CSMD1: variants seen among roughly 807,000 people sequenced by gnomAD.
The protein encoded by CSMD1 is CUB and Sushi multiple domains 1.
Under a neutral mutation model 417.5 loss-of-function variants are expected in CSMD1, and 213 were observed. That is an observed-to-expected ratio of 0.51 (90% CI 0.46 to 0.57). CSMD1 has a LOEUF of 0.57. Among genes scored for constraint, CSMD1 ranks in the 20% least tolerant of loss-of-function variants. The pLI is 0.00. For missense variants in CSMD1, 6,923 were observed against 4,529.7 expected (o/e 1.53, Z -15.17); for synonymous variants, 2,862 against 1,736.8 (o/e 1.65, Z -16.11).
rs755327257 is a variant in CSMD1 at position 3,949,965 on chromosome 8, G to A, written c.818+47938C>T. 4.4e-4 allele frequency: 201 copies of A among 455,932 alleles called. 2 individuals are homozygous for A. The highest frequency in any genetic ancestry group is 2.1e-3 in the South Asian group (133 of 64,552). The allele number at this position is 455,932 out of a possible 1,614,324, so 28.2% of individuals were successfully genotyped here. On this transcript the variant is annotated intron_variant, in intron 5 of 69. Coordinates refer to ENST00000635120, the MANE Select transcript of CSMD1 (RefSeq NM_033225.6). ...ATGGAGAGGTTCATGCCAGCAGAGC[G>A]ACGTGTCTCCAGGCTTGCATGAAAT...
intron 46 of CSMD1, among the ~76,000 whole-genome samples, chr8:3,106,317 A>C (rs10102808): frequency 0.032 from 4,885 of 152,060 alleles, 255 homozygotes; most frequent in African/African-American, 0.11. Context: ...GGATCACCTG[A>C]GACCAGGGAG....
intron 2 of CSMD1, among the ~76,000 whole-genome samples, chr8:4,636,964 G>C (rs958223003): frequency 1.3e-5 from 2 of 152,108 alleles, no homozygotes; most frequent in African/African-American, 4.8e-5. Flanking sequence ...ACACCAATCA[G>C]CAGGATCGTA....
chr8:3,258,376 A>C (rs1236793348), intron 26 of CSMD1, among the ~76,000 whole-genome samples: 3 of 152,208 alleles, frequency 2.0e-5, no homozygotes, highest in Non-Finnish European at 2.9e-5. Flanking sequence ...AGAAATGCAA[A>C]TTAAAACCAA....
At chr8:3,378,132 C>G (rs796173402) in intron 18 of CSMD1, among the ~76,000 whole-genome samples, 47 of 152,268 alleles carry the variant, frequency 3.1e-4, no homozygotes, top group Middle Eastern at 3.4e-3. Context: ...GGAAGACATT[C>G]AATTAATAAG....
chr8:4,004,589 G>A (rs994321917), intron 4 of CSMD1, among the ~76,000 whole-genome samples: 1 of 151,280 alleles, frequency 6.6e-6, no homozygotes, highest in Admixed American at 6.6e-5. Flanking sequence ...TATTTATTTG[G>A]GATTTTCCTT....
intron 2 of CSMD1, among the ~76,000 whole-genome samples, chr8:4,480,531 T>C (rs745877465): frequency 8.5e-5 from 13 of 152,198 alleles, no homozygotes; most frequent in African/African-American, 9.6e-5. Context: ...TTCTCCGCCT[T>C]TTTGCACCAT....
chr8:3,655,856 G>C (rs1252104077), intron 7 of CSMD1, among the ~76,000 whole-genome samples: 4 of 152,096 alleles, frequency 2.6e-5, no homozygotes, highest in African/African-American at 2.4e-5. Context: ...CGGAAAACCT[G>C]TCAGACTTCA....
At chr8:3,506,385 G>T (rs534665126) in intron 10 of CSMD1, among the ~76,000 whole-genome samples, 1 of 152,282 alleles carries the variant, frequency 6.6e-6, no homozygotes, top group African/African-American at 2.4e-5. Context: ...AGGTAGGGGA[G>T]TAAACACGTT....
intron 37 of CSMD1, among the ~76,000 whole-genome samples, chr8:3,173,328 G>A (rs1273312408): frequency 6.6e-6 from 1 of 152,196 alleles, no homozygotes; most frequent in Non-Finnish European, 1.5e-5. Flanking sequence ...TCTCTGTGAT[G>A]TAAGACAGAA....
intron 54 of CSMD1, among the ~76,000 whole-genome samples, chr8:2,988,225 T>C (rs942708758): frequency 3.3e-5 from 5 of 152,144 alleles, no homozygotes; most frequent in Non-Finnish European, 5.9e-5. Flanking sequence ...TCCTTTTTGA[T>C]TCCTCTACCC....
intron 3 of CSMD1, among the ~76,000 whole-genome samples, chr8:4,150,971 G>A (rs972540618): frequency 6.6e-6 from 1 of 152,124 alleles, no homozygotes; most frequent in African/African-American, 2.4e-5. Flanking sequence ...AAGTCTTCCA[G>A]ATACAGGACT....
At position 3,462,456 on chromosome 8, in the gene CSMD1, C is replaced by T. The variant is rs931950923; in HGVS notation, c.1561+6256G>A. 6.6e-5 allele frequency among the ~76,000 whole-genome samples: 10 copies of T among 152,276 alleles called. 2 individuals carry two copies. In the South Asian group the frequency reaches 1.2e-3, roughly 19 times the overall value. On this transcript the variant is annotated intron_variant, in intron 12 of 69. Coordinates refer to ENST00000635120, the MANE Select transcript of CSMD1 (RefSeq NM_033225.6). ...CTGCCTCCCAGCAGATCAGCAGCAA[C>T]ATTACATTCTCCTAGGAGTGTGAAC...
At chr8:3,957,030 C>T (rs893640001) in intron 5 of CSMD1, among the ~76,000 whole-genome samples, 1 of 151,538 alleles carries the variant, frequency 6.6e-6, no homozygotes. Context: ...AGTGACAGGC[C>T]TATCTCAGAA....
intron 1 of CSMD1, among the ~76,000 whole-genome samples, chr8:4,960,859 T>A (rs1457241754): frequency 6.6e-6 from 1 of 152,148 alleles, no homozygotes; most frequent in African/African-American, 2.4e-5. Flanking sequence ...TATATAATAA[T>A]AAAATGTTTA....
At chr8:3,030,253 T>A (rs1810255132) in intron 50 of CSMD1, among the ~76,000 whole-genome samples, 1 of 152,060 alleles carries the variant, frequency 6.6e-6, no homozygotes, top group Non-Finnish European at 1.5e-5. Flanking sequence ...CTGAGTTGTA[T>A]GTGGGTACAT....
intron 1 of CSMD1, among the ~76,000 whole-genome samples, chr8:4,930,781 G>A (rs572284754): frequency 1.3e-5 from 2 of 152,120 alleles, no homozygotes; most frequent in Admixed American, 6.5e-5. Flanking sequence ...CATAAATTAA[G>A]GAAAGCAATT....
chr8:4,235,334 T>C (rs1400136496), intron 3 of CSMD1, among the ~76,000 whole-genome samples: 1 of 151,548 alleles, frequency 6.6e-6, no homozygotes, highest in Admixed American at 6.6e-5. Context: ...TAGCCATTCA[T>C]ACTCATTAAT....
intron 8 of CSMD1, among the ~76,000 whole-genome samples, chr8:3,601,769 C>G (rs545476429): frequency 8.5e-5 from 13 of 152,192 alleles, no homozygotes; most frequent in Non-Finnish European, 1.6e-4. Context: ...GGACCATTCT[C>G]CCTGCTCCCT....
chr8:3,852,821 C>A (rs940648492), intron 5 of CSMD1, among the ~76,000 whole-genome samples: 1 of 152,114 alleles, frequency 6.6e-6, no homozygotes, highest in Non-Finnish European at 1.5e-5. Context: ...AACAATTCTC[C>A]GCTTTCTGTA....
Sources: gnomAD v4.1 joint callset for allele counts (sites outside exome capture counted in the v4.1 genomes callset) on GRCh38, gnomAD v4.1.1 for gene constraint, MANE v1.5 for transcripts, NCBI Gene and HGNC (gene_info 2026-07-23, HGNC 2026-07-21) for gene names.